Variants in FTCDNL1 observed in about 807,000 individuals in gnomAD.
FTCDNL1 encodes formiminotransferase cyclodeaminase N-terminal like, also known as formiminotransferase N-terminal subdomain-containing protein.
In FTCDNL1, 11 loss-of-function variants were observed where a neutral mutation model predicts 5.9. The observed-to-expected ratio is 1.87, with a 90% CI of 1.18 to 3.10. The LOEUF is 3.10. FTCDNL1 is among the 30% of genes most tolerant of loss of function. FTCDNL1 has a pLI of 0.00. For missense variants in FTCDNL1, 115 were observed against 65.5 expected (o/e 1.76, Z -2.61); for synonymous variants, 58 against 24.8 (o/e 2.34, Z -3.99).
chr2:199,832,614 T>C (rs1351974046), intron 3 of FTCDNL1, among the ~76,000 whole-genome samples: 3 of 152,192 alleles, frequency 2.0e-5, no homozygotes, highest in Admixed American at 2.0e-4. Context: ...CATCTTGCTG[T>C]GCAATCCCTT....
At chr2:199,691,852 AC>A in the FTCDNL1 span, among the ~76,000 whole-genome samples, 1 of 152,218 alleles carries the variant, frequency 6.6e-6, no homozygotes, top group African/African-American at 2.4e-5. Context: ...CTTAAAAAAA[AC>A]AAATTATTAA....
At chr2:199,670,039 T>C in the FTCDNL1 span, among the ~76,000 whole-genome samples, 1 of 152,152 alleles carries the variant, frequency 6.6e-6, no homozygotes, top group Non-Finnish European at 1.5e-5. Flanking sequence ...TTTCAAATGG[T>C]GATTACATGA....
At chr2:199,798,848 G>A (rs1225456400) in intron 3 of FTCDNL1, among the ~76,000 whole-genome samples, 1 of 152,144 alleles carries the variant, frequency 6.6e-6, no homozygotes, top group Non-Finnish European at 1.5e-5. Flanking sequence ...TGTGGAAGTC[G>A]GGAAAACCAC....
At chr2:199,700,517 CATTTTTCACAGA>C in the FTCDNL1 span, among the ~76,000 whole-genome samples, 1 of 152,144 alleles carries the variant, frequency 6.6e-6, no homozygotes, top group African/African-American at 2.4e-5. Context: ...CTGCCAACAA[CATTTTTCACAGA>C]ATTAGAAAAA....
downstream of FTCDNL1, among the ~76,000 whole-genome samples, chr2:199,807,538 G>A (rs562367230): frequency 6.8e-4 from 103 of 152,318 alleles, no homozygotes; most frequent in African/African-American, 2.2e-3. Context: ...TCAGGAGGCT[G>A]AGGTAGGAGA....
chr2:199,747,425 C>T, the FTCDNL1 span, among the ~76,000 whole-genome samples: 1 of 152,030 alleles, frequency 6.6e-6, no homozygotes, highest in Non-Finnish European at 1.5e-5. Flanking sequence ...GGCTGCAAGG[C>T]CTCGAGCCTG....
At chr2:199,813,765 G>A (rs1411452199) in intron 4 of FTCDNL1, among the ~76,000 whole-genome samples, 1 of 151,858 alleles carries the variant, frequency 6.6e-6, no homozygotes, top group Non-Finnish European at 1.5e-5. Flanking sequence ...ACAAAAATTA[G>A]TTGGGCATGG....
chr2:199,710,063 C>G, the FTCDNL1 span, among the ~76,000 whole-genome samples: 1 of 152,206 alleles, frequency 6.6e-6, no homozygotes, highest in East Asian at 1.9e-4. Flanking sequence ...TAGACATATA[C>G]AGAGTGGCAA....
the FTCDNL1 span, among the ~76,000 whole-genome samples, chr2:199,676,434 A>C: frequency 1.3e-5 from 2 of 152,072 alleles, no homozygotes; most frequent in South Asian, 4.1e-4. Context: ...ATAATCAAAA[A>C]TGTTGGGGGC....
intron 3 of FTCDNL1, among the ~76,000 whole-genome samples, chr2:199,764,274 TACTC>T (rs1448500687): frequency 6.6e-6 from 1 of 152,228 alleles, no homozygotes; most frequent in African/African-American, 2.4e-5. Context: ...CTTTGTTTAA[TACTC>T]ACAAGGCAAG....
At chr2:199,817,914 A>G (rs1042400745) in intron 4 of FTCDNL1, among the ~76,000 whole-genome samples, 1 of 152,216 alleles carries the variant, frequency 6.6e-6, no homozygotes. Context: ...TTAAACAACT[A>G]CATATCAAGT....
rs907221838 is a variant in FTCDNL1, at chr2:199,850,806, C to A, written c.-74G>T. 3 of 152,424 alleles carry A rather than the reference C, an allele frequency of 2.0e-5. No individual in the cohort carries two copies. Among genetic ancestry groups the A allele is most frequent in the Non-Finnish European group, 4.4e-5 (3 of 68,202 alleles). The allele number at this position is 152,424 out of a possible 1,614,324, so 9.4% of individuals were successfully genotyped here. A position where few individuals can be genotyped will look rare whatever the true frequency, so the allele number is the denominator to read the frequency against. ...AAGGACGCTCGCCAGGCTGCCGCAA[C>A]GCGTGCTGGGGCCAGAACCCCGCTG... On this transcript the variant is annotated 5_prime_UTR_variant, in exon 1 of 5. Coordinates refer to ENST00000420128, the MANE Select transcript of FTCDNL1 (RefSeq NM_001363886.2).
chr2:199,795,227 A>C (rs1406158084), intron 3 of FTCDNL1, among the ~76,000 whole-genome samples: 36 of 152,142 alleles, frequency 2.4e-4, no homozygotes, highest in Non-Finnish European at 1.5e-5. Flanking sequence ...AGACCCTTTG[A>C]CCTGAGTAAT....
rs1272584264 is a variant in FTCDNL1, at chr2:199,812,250, T to C, written c.*455A>G. Reference sequence around the variant, plus strand: ...CCAAGGTGGGGAAACTTCTCTCCCTTGGAAGGTGAAAGAAGAAAGAAAGAA... The same window carrying C: ...CCAAGGTGGGGAAACTTCTCTCCCTCGGAAGGTGAAAGAAGAAAGAAAGAA... On this transcript the variant is annotated 3_prime_UTR_variant, in exon 5 of 5. Transcript: ENST00000420128. Among the ~76,000 whole-genome samples, 1 of 152,166 alleles carries C rather than the reference T, an allele frequency of 6.6e-6. No homozygotes were observed. The highest frequency in any genetic ancestry group is 1.9e-4 in the East Asian group (1 of 5,192).
At chr2:199,731,228 C>T in the FTCDNL1 span, among the ~76,000 whole-genome samples, 1 of 152,162 alleles carries the variant, frequency 6.6e-6, no homozygotes, top group South Asian at 2.1e-4. Flanking sequence ...AGCAATGGGA[C>T]AAACACCTAA....
At chr2:199,730,514 A>T in the FTCDNL1 span, among the ~76,000 whole-genome samples, 2 of 152,242 alleles carry the variant, frequency 1.3e-5, no homozygotes, top group Non-Finnish European at 2.9e-5. Flanking sequence ...AAACAACCCC[A>T]TCAAAAAGTG....
At chr2:199,734,995 T>C in the FTCDNL1 span, among the ~76,000 whole-genome samples, 14 of 152,038 alleles carry the variant, frequency 9.2e-5, no homozygotes, top group South Asian at 8.3e-4. Flanking sequence ...AAACTCTGTT[T>C]GGTCATTTAT....
the FTCDNL1 span, among the ~76,000 whole-genome samples, chr2:199,674,308 G>A: frequency 6.6e-6 from 1 of 152,108 alleles, no homozygotes; most frequent in African/African-American, 2.4e-5. Flanking sequence ...CATAAGGAGA[G>A]GGGAGACAAC....
chr2:199,771,808 G>A (rs991970095), intron 3 of FTCDNL1, among the ~76,000 whole-genome samples: 1 of 152,190 alleles, frequency 6.6e-6, no homozygotes, highest in Non-Finnish European at 1.5e-5. Context: ...AATTAAAGCA[G>A]TAGAATTAGA....
Sources: gnomAD v4.1 joint callset for allele counts (sites outside exome capture counted in the v4.1 genomes callset) on GRCh38, gnomAD v4.1.1 for gene constraint, MANE v1.5 for transcripts, NCBI Gene and HGNC (gene_info 2026-07-23, HGNC 2026-07-21) for gene names.